Variants in PACRG observed in about 807,000 individuals in gnomAD.
PACRG encodes the protein parkin coregulated.
Under a neutral mutation model 29.7 loss-of-function variants are expected in PACRG, and 29 were observed. The ratio of observed to expected loss-of-function variants is 0.98; its 90% CI spans 0.73 to 1.33. PACRG has a LOEUF of 1.33. Among genes scored for constraint, PACRG ranks in the 40% most tolerant of loss-of-function variants. The pLI is 0.00. For missense variants in PACRG, 279 were observed against 316.2 expected (o/e 0.88, Z 0.89); for synonymous variants, 116 against 118.7 (o/e 0.98, Z 0.15).
intron 2 of PACRG, among the ~76,000 whole-genome samples, chr6:162,880,802 A>G (rs1793770436): frequency 6.6e-6 from 1 of 152,170 alleles, no homozygotes. Context: ...ATACCCTAAA[A>G]CTACACATCG....
intron 2 of PACRG, among the ~76,000 whole-genome samples, chr6:163,053,712 T>C (rs1332950856): frequency 1.3e-5 from 2 of 152,152 alleles, no homozygotes; most frequent in Non-Finnish European, 2.9e-5. Context: ...AGTTGTAGAA[T>C]ACATAAATTT....
At chr6:163,212,332 C>A (rs926601735) in intron 4 of PACRG, among the ~76,000 whole-genome samples, 10 of 152,108 alleles carry the variant, frequency 6.6e-5, no homozygotes, top group Admixed American at 2.6e-4. Flanking sequence ...GGAGCAGTGG[C>A]ACCCCAAAAG....
intron 2 of PACRG, among the ~76,000 whole-genome samples, chr6:162,899,370 G>A (rs1415694857): frequency 1.3e-5 from 2 of 152,124 alleles, no homozygotes; most frequent in Admixed American, 6.5e-5. Flanking sequence ...TCCCAGGAAT[G>A]AGTCAGGGCC....
chr6:162,761,037 T>C (rs1782317161), intron 1 of PACRG, among the ~76,000 whole-genome samples: 1 of 152,014 alleles, frequency 6.6e-6, no homozygotes, highest in South Asian at 2.1e-4. Context: ...CATAGCAGAG[T>C]AGAATCTTCT....
intron 1 of PACRG, among the ~76,000 whole-genome samples, chr6:162,742,946 C>T (rs988770379): frequency 2.6e-5 from 4 of 152,178 alleles, no homozygotes; most frequent in East Asian, 1.9e-4. Context: ...GAGGGACCTC[C>T]GTACTGTTTT....
At chr6:163,290,278 G>GCGCGCACACACA (rs1554242204) in intron 4 of PACRG, among the ~76,000 whole-genome samples, 1 of 114,568 alleles carries the variant, frequency 8.7e-6, no homozygotes, top group Admixed American at 8.4e-5. Flanking sequence ...GCGCGCGCGC[G>GCGCGCACACACA]CACACACACA....
chr6:163,224,448 T>C (rs1273683367), intron 4 of PACRG, among the ~76,000 whole-genome samples: 1 of 134,196 alleles, frequency 7.5e-6, no homozygotes, highest in Non-Finnish European at 1.6e-5. Flanking sequence ...TACAAAGATA[T>C]AATAATCAAA....
chr6:163,055,234 A>C lies in PACRG; in HGVS notation c.292-6916A>C, dbSNP rs928095553. Among the ~76,000 whole-genome samples, 1 of 152,140 alleles carries C rather than the reference A, an allele frequency of 6.6e-6. No individual in the cohort carries two copies. The highest frequency in any genetic ancestry group is 2.4e-5 in the African/African-American group (1 of 41,424). ...TGTGGAAATGGAGCCGTGACTGGGG[A>C]TAGTGTGGAAATGGAGCAGTGGCTT... On this transcript the variant is annotated intron_variant, in intron 2 of 4. Transcript: ENST00000366888. This position sits in a 1 kb window ranked among gnomAD's most constrained non-coding sequence, Gnocchi z 4.0.
At chr6:162,851,149 G>A (rs886352350) in intron 2 of PACRG, among the ~76,000 whole-genome samples, 6 of 152,198 alleles carry the variant, frequency 3.9e-5, no homozygotes, top group African/African-American at 1.4e-4. Context: ...ATCCCCACCT[G>A]CCACTGAACC....
In PACRG at chr6:162,777,953, A is replaced by G. The variant is rs1783777530; in HGVS notation, c.157-36194A>G. Among the ~76,000 whole-genome samples, 1 of 151,842 alleles carries G rather than the reference A, an allele frequency of 6.6e-6. No individual in the cohort carries two copies. Among genetic ancestry groups the G allele is most frequent in the Non-Finnish European group, 1.5e-5 (1 of 68,012 alleles). On this transcript the variant is annotated intron_variant, in intron 1 of 4. Transcript: ENST00000366888. The surrounding 1 kb of genome is among the most constrained non-coding windows in gnomAD (Gnocchi z 4.0). ...CCCAAAACATATTTGTAGTGAACAC[A>G]TCCTTTGGGCCAAACACTGTTTTGG...
chr6:163,283,795 G>A (rs1178009618), intron 4 of PACRG, among the ~76,000 whole-genome samples: 4 of 133,914 alleles, frequency 3.0e-5, no homozygotes, highest in Admixed American at 1.6e-4. Context: ...GCGACAGAGC[G>A]AGACTCCGTC....
At chr6:163,260,804 G>A (rs747657792) in intron 4 of PACRG, among the ~76,000 whole-genome samples, 49 of 152,088 alleles carry the variant, frequency 3.2e-4, no homozygotes, top group Non-Finnish European at 5.6e-4. Context: ...GCTTCTTCTG[G>A]GCAGGGAACG....
chr6:163,235,952 T>C (rs1479628719), intron 4 of PACRG, among the ~76,000 whole-genome samples: 1 of 152,176 alleles, frequency 6.6e-6, no homozygotes, highest in Non-Finnish European at 1.5e-5. Context: ...TGTTTGTTTT[T>C]GTTTTTTTAA....
chr6:162,735,879 C>T (rs1250517979), intron 1 of PACRG, among the ~76,000 whole-genome samples: 4 of 151,644 alleles, frequency 2.6e-5, no homozygotes, highest in Middle Eastern at 3.4e-3. Flanking sequence ...TAAATTGGAG[C>T]GATTGGAAAT....
At chr6:163,152,242 G>C (rs1465393876) in intron 4 of PACRG, among the ~76,000 whole-genome samples, 1 of 152,156 alleles carries the variant, frequency 6.6e-6, no homozygotes, top group Non-Finnish European at 1.5e-5. Flanking sequence ...GTGAGAAAAA[G>C]GAAATTATAT....
intron 3 of PACRG, among the ~76,000 whole-genome samples, chr6:163,068,009 G>T (rs1811706126): frequency 6.6e-6 from 1 of 152,132 alleles, no homozygotes; most frequent in Non-Finnish European, 1.5e-5. Flanking sequence ...AGATTTATCT[G>T]ACTTCATCTG....
At chr6:162,771,868 G>T (rs1024283740) in intron 1 of PACRG, among the ~76,000 whole-genome samples, 1 of 151,894 alleles carries the variant, frequency 6.6e-6, no homozygotes, top group Non-Finnish European at 1.5e-5. Context: ...TCGGATGGAG[G>T]TAAGTGGAGC....
rs2128274020 is a variant in PACRG at position 163,067,342 on chromosome 6, G to T, written c.463+5021G>T. 1.3e-5 allele frequency among the ~76,000 whole-genome samples: 2 copies of T among 152,370 alleles called. 1 individual carries two copies. Among genetic ancestry groups the T allele is most frequent in the South Asian group, 4.1e-4 (2 of 4,832 alleles). On this transcript the variant is annotated intron_variant, in intron 3 of 4. Transcript: ENST00000366888. ...GGCCCCACCAAAGAGTCCTGGACAC[G>T]AGAGCCAGGCGTGGGACATGGGTGG...
intron 3 of PACRG, among the ~76,000 whole-genome samples, chr6:163,076,540 A>T (rs1308458665): frequency 6.6e-6 from 1 of 152,210 alleles, no homozygotes; most frequent in Non-Finnish European, 1.5e-5. Flanking sequence ...TCCTCTCCAA[A>T]GTCGGCCTAC....
Sources: gnomAD v4.1 joint callset for allele counts (sites outside exome capture counted in the v4.1 genomes callset) on GRCh38, gnomAD v4.1.1 for gene constraint, Gnocchi (gnomAD v3.1) non-coding constraint, MANE v1.5 for transcripts, NCBI Gene and HGNC (gene_info 2026-07-23, HGNC 2026-07-21) for gene names.